TEX264: variants seen among roughly 807,000 people sequenced by gnomAD.
TEX264 encodes the protein testis-expressed protein 264.
A neutral mutation model predicts 23.4 loss-of-function variants in TEX264; 13 were observed. The observed-to-expected ratio is 0.56, with a 90% confidence interval of 0.36 to 0.88. The LOEUF (loss-of-function observed/expected upper bound fraction) is 0.88, where lower values mean the gene tolerates loss of function less well. Ranked by LOEUF, TEX264 falls within the 40% of genes least tolerant of loss-of-function variation. TEX264 has a pLI of 0.01. For synonymous variants in TEX264, 159 were observed against 170.0 expected (o/e 0.94, Z 0.50); for missense variants, 340 against 406.8 (o/e 0.84, Z 1.41).
intron 3 of TEX264, among the ~76,000 whole-genome samples, chr3:51,698,081 C>T (rs1312093977): frequency 6.6e-6 from 1 of 152,180 alleles, no homozygotes; most frequent in Non-Finnish European, 1.5e-5. Flanking sequence ...CCATCCACCT[C>T]CCGCGTGGCC....
At chr3:51,689,743 G>A (rs1047642176) in intron 3 of TEX264, among the ~76,000 whole-genome samples, 2 of 152,156 alleles carry the variant, frequency 1.3e-5, no homozygotes, top group South Asian at 2.1e-4. Context: ...CTCCAGTCCC[G>A]CCCACTACAT....
chr3:51,680,358 C>T (rs1702383626), intron 2 of TEX264, among the ~76,000 whole-genome samples: 2 of 152,212 alleles, frequency 1.3e-5, no homozygotes, highest in African/African-American at 4.8e-5. Flanking sequence ...GCTGTCTTCG[C>T]TATAGCCTCA....
At chr3:51,689,637 A>G (rs1419806451) in intron 3 of TEX264, among the ~76,000 whole-genome samples, 1 of 151,980 alleles carries the variant, frequency 6.6e-6, no homozygotes, top group Non-Finnish European at 1.5e-5. Context: ...TTTACAACCC[A>G]GGTGTCTTGA....
Position 51,704,206 on chromosome 3 carries a change from G to T in TEX264, c.*190G>T. 2.1e-6 allele frequency: 1 copy of T among 471,836 alleles called. No homozygotes were observed. Among genetic ancestry groups the T allele is most frequent in the Non-Finnish European group, 3.4e-6 (1 of 291,430 alleles). The allele number at this position is 471,836 out of a possible 1,614,324, so 29.2% of individuals were successfully genotyped here. A position where few individuals can be genotyped will look rare whatever the true frequency, so the allele number is the denominator to read the frequency against. On this transcript the variant is annotated 3_prime_UTR_variant, in exon 5 of 5. Transcript: ENST00000341333. The stretch of plus-strand genomic sequence containing the variant: ...TAGGCTCCCAGGGCCAGAGGAGCCA[G>T]GGACTATTTTCTGCACCAGCCCCCA...
intron 2 of TEX264, chr3:51,683,945 A>C (rs2106940589): frequency 6.1e-6 from 1 of 162,974 alleles, no homozygotes; most frequent in African/African-American, 2.4e-5. Flanking sequence ...GAGGGAAATT[A>C]GCTAATAGGA....
chr3:51,701,234 C>T (rs1417215532), intron 4 of TEX264, among the ~76,000 whole-genome samples: 1 of 151,820 alleles, frequency 6.6e-6, no homozygotes, highest in Non-Finnish European at 1.5e-5. Context: ...GTATCTTCTG[C>T]CCAGGGATGC....
At chr3:51,694,077 T>TCCG (rs1702951098) in intron 3 of TEX264, among the ~76,000 whole-genome samples, 1 of 108,168 alleles carries the variant, frequency 9.2e-6, no homozygotes, top group Admixed American at 9.0e-5. Context: ...TTCCCCTTCC[T>TCCG]TCCGTCCGTC....
At chr3:51,690,199 A>G (rs759546714) in intron 3 of TEX264, among the ~76,000 whole-genome samples, 5 of 152,170 alleles carry the variant, frequency 3.3e-5, no homozygotes, top group Admixed American at 6.5e-5. Flanking sequence ...ACTGGGGCCA[A>G]AACACCAGTG....
chr3:51,692,252 C>T lies in TEX264; in HGVS notation c.481-7154C>T, dbSNP rs996468731. On this transcript the variant is annotated intron_variant, in intron 3 of 4. Coordinates refer to ENST00000341333, the MANE Select transcript of TEX264 (RefSeq NM_015926.6). ...GGAATTTACTTATCAAAGAAGAATT[C>T]TGTTGCTCTTCTCCAGGAAGCTTGA... Among the ~76,000 whole-genome samples, 7 of 152,182 alleles carry T rather than the reference C, an allele frequency of 4.6e-5. No individual in the cohort carries two copies. The East Asian group carries it at 1.3e-3, about 29-fold the overall frequency.
At chr3:51,687,420 T>C (rs1197564601) in intron 3 of TEX264, among the ~76,000 whole-genome samples, 2 of 151,890 alleles carry the variant, frequency 1.3e-5, no homozygotes. Flanking sequence ...AAGGAGAGAG[T>C]ATAAGGCTCC....
At chr3:51,701,893 A>G (rs1703318589) in intron 4 of TEX264, among the ~76,000 whole-genome samples, 1 of 152,146 alleles carries the variant, frequency 6.6e-6, no homozygotes, top group South Asian at 2.1e-4. Flanking sequence ...CAGCTTCCCA[A>G]AGTGCTGGGA....
intron 3 of TEX264, among the ~76,000 whole-genome samples, chr3:51,698,244 G>C (rs1223117716): frequency 6.6e-6 from 1 of 152,178 alleles, no homozygotes; most frequent in African/African-American, 2.4e-5. Context: ...CAACCCTAGG[G>C]TTGGCCAGGC....
Position 51,704,130 on chromosome 3 carries a change from C to A in TEX264, c.*114C>A. 1.0e-6 allele frequency: 1 copy of A among 997,214 alleles called. No individual in the cohort carries two copies. Among genetic ancestry groups the A allele is most frequent in the Non-Finnish European group, 1.3e-6 (1 of 751,858 alleles). 61.8% of individuals were successfully genotyped at this position (997,214 alleles called of 1,614,324 possible). ...GGGGGAGGAGGGGTTCCTGAGGGAC[C>A]TGACTTCCCCTGCTCCAGGCCTCTT... On this transcript the variant is annotated 3_prime_UTR_variant, in exon 5 of 5. Transcript: ENST00000341333.
chr3:51,694,034 CCTTCCTTCCTT>C (rs1559680574), intron 3 of TEX264, among the ~76,000 whole-genome samples: 10 of 137,360 alleles, frequency 7.3e-5, no homozygotes, highest in East Asian at 6.5e-4. Flanking sequence ...TTCCTTCCTT[CCTTCCTTCCTT>C]CCTCCCTTCC....
intron 3 of TEX264, among the ~76,000 whole-genome samples, chr3:51,692,835 G>C (rs913596984): frequency 6.6e-6 from 1 of 152,246 alleles, no homozygotes; most frequent in African/African-American, 2.4e-5. Flanking sequence ...GACTCACCCA[G>C]TGCTCTAGCT....
In TEX264 at chr3:51,689,532, C is replaced by A. The variant is rs1702751579; in HGVS notation, c.480+4898C>A. On this transcript the variant is annotated intron_variant, in intron 3 of 4. Transcript: ENST00000341333. ...CCCAGACCATAGTTCTCAGACTGCC[C>A]TGGCTGTGCTGAGGTGCCCTGTGGC... is the stretch of plus-strand genomic sequence containing the variant. 2.0e-5 allele frequency among the ~76,000 whole-genome samples: 3 copies of A among 152,050 alleles called. No individual in the cohort carries two copies. In the South Asian group the frequency reaches 6.2e-4, roughly 32 times the overall value.
At chr3:51,683,948 TA>T (rs1702518733) in intron 2 of TEX264, 1 of 163,966 alleles carries the variant, frequency 6.1e-6, no homozygotes, top group African/African-American at 2.4e-5. Flanking sequence ...GGAAATTAGC[TA>T]ATAGGATTTT....
chr3:51,697,278 C>T (rs1403884852), intron 3 of TEX264, among the ~76,000 whole-genome samples: 1 of 152,216 alleles, frequency 6.6e-6, no homozygotes, highest in African/African-American at 2.4e-5. Context: ...GCTGCCCAGC[C>T]TAGGGGAGAG....
chr3:51,676,120 A>G (rs751553647), intron 2 of TEX264, among the ~76,000 whole-genome samples: 9 of 152,108 alleles, frequency 5.9e-5, no homozygotes, highest in Admixed American at 1.3e-4. Flanking sequence ...ACAGTGGGCT[A>G]TGGGGAGCTC....
Sources: gnomAD v4.1 joint callset for allele counts (sites outside exome capture counted in the v4.1 genomes callset) on GRCh38, gnomAD v4.1.1 for gene constraint, MANE v1.5 for transcripts, NCBI Gene and HGNC (gene_info 2026-07-23, HGNC 2026-07-21) for gene names.